The following HBS1L variants were observed in gnomAD, a reference collection of about 807,000 sequenced individuals.
HBS1L encodes the protein HBS1-like protein.
Under a neutral mutation model 88.9 loss-of-function variants are expected in HBS1L, and 55 were observed. The ratio of observed to expected loss-of-function variants is 0.62; its 90% CI spans 0.50 to 0.77. The LOEUF (loss-of-function observed/expected upper bound fraction) is 0.77. Among genes scored for constraint, HBS1L ranks in the 30% least tolerant of loss-of-function variants. The probability of loss-of-function intolerance (pLI) is 0.00; values close to 1 mark genes in which losing one functional copy is unlikely to be tolerated. For synonymous variants in HBS1L, 267 were observed against 288.5 expected, an observed-to-expected ratio of 0.93 and a Z score of 0.76; for missense variants, 741 against 829.3, an observed-to-expected ratio of 0.89 and a Z score of 1.31.
At chr6:135,027,642 A>G (rs1462451652) in intron 4 of HBS1L, among the ~76,000 whole-genome samples, 1 of 152,360 alleles carries the variant, frequency 6.6e-6, no homozygotes, top group East Asian at 1.9e-4. Flanking sequence ...ATTCCAATCT[A>G]ACAGTTTATT....
At position 134,987,690 on chromosome 6, in the gene HBS1L, A is replaced by G. The variant is rs1227232100; in HGVS notation, c.1185T>C (p.Ser395=). ...CAACTGCAAGCTGCGTCACTCCCAG[A>G]GAACGGACCAAGAGTCCATGCTCTC... ...QTREHGLLVR[S]LGVTQLAVAV... is the part of the protein sequence containing the mutation. The change falls in exon 9 of 18, where the codon TCT becomes TCC. Residue 395 remains serine (S), a synonymous_variant. Transcript: ENST00000367837. The G allele has an allele frequency of 8.1e-6, 13 of 1,608,100 alleles. No individual in the cohort carries two copies. Among genetic ancestry groups the G allele is most frequent in the Admixed American group, 1.7e-5 (1 of 59,038 alleles).
In HBS1L at chr6:134,960,882, A is replaced by G. The variant is rs756132081; in HGVS notation, c.*4397T>C. ...TCAGTTATTTTTGTCTCCCCAGTAC[A>G]TCTGTGCCCTTTCTTCTTTAAATCT... On this transcript the variant is annotated 3_prime_UTR_variant, in exon 18 of 18. Transcript: ENST00000367837. The G allele has an allele frequency of 6.6e-6, 1 of 152,202 alleles. No individual in the cohort carries two copies. The allele number at this position is 152,202 out of a possible 1,614,324, so 9.4% of individuals were successfully genotyped here. A position where few individuals can be genotyped will look rare whatever the true frequency, so the allele number is the denominator to read the frequency against.
chr6:135,019,587 T>C (rs904004993), intron 4 of HBS1L, among the ~76,000 whole-genome samples: 5 of 151,948 alleles, frequency 3.3e-5, no homozygotes, highest in Admixed American at 2.0e-4. Context: ...GTAATCCTTA[T>C]TTCAACCTAG....
At chr6:134,975,871 C>G (rs977506853) in intron 15 of HBS1L, among the ~76,000 whole-genome samples, 1 of 151,970 alleles carries the variant, frequency 6.6e-6, no homozygotes, top group African/African-American at 2.4e-5. Flanking sequence ...ATGACTAAGA[C>G]CCCCAAAGCA....
intron 8 of HBS1L, among the ~76,000 whole-genome samples, chr6:134,992,865 C>G (rs1775183565): frequency 6.6e-6 from 1 of 152,120 alleles, no homozygotes; most frequent in African/African-American, 2.4e-5. Context: ...ACAGTCGTGT[C>G]CTAGGCCTTC....
intron 15 of HBS1L, among the ~76,000 whole-genome samples, chr6:134,976,376 C>G (rs1774642946): frequency 6.6e-6 from 1 of 152,106 alleles, no homozygotes; most frequent in Non-Finnish European, 1.5e-5. Flanking sequence ...AAAAGTAGAT[C>G]TACCAGTTGA....
rs955977868 is a variant in HBS1L at position 134,985,508 on chromosome 6, A to G, written c.1424-99T>C. 6.9e-5 allele frequency: 48 copies of G among 694,834 alleles called. No homozygotes were observed. In the South Asian group the frequency reaches 7.5e-4, roughly 11 times the overall value. The allele number at this position is 694,834 out of a possible 1,614,324, so 43.0% of individuals were successfully genotyped here. A position where few individuals can be genotyped will look rare whatever the true frequency, so the allele number is the denominator to read the frequency against. Reference sequence around the variant, plus strand: ...ATAATCCCACTTCTCCTAGAAAATAACTACTTTTTATAATTACTAATAGCA... The same window carrying G: ...ATAATCCCACTTCTCCTAGAAAATAGCTACTTTTTATAATTACTAATAGCA... On this transcript the variant is annotated intron_variant, in intron 11 of 17. Coordinates refer to ENST00000367837, the MANE Select transcript of HBS1L (RefSeq NM_006620.4).
intron 4 of HBS1L, among the ~76,000 whole-genome samples, chr6:135,030,522 A>T (rs1776354840): frequency 6.6e-6 from 1 of 152,194 alleles, no homozygotes; most frequent in African/African-American, 2.4e-5. Context: ...TCAGGAAATA[A>T]AAGGATTTAG....
chr6:135,054,571 G>C, intron 1 of HBS1L, 78 bp downstream of exon 1: 1 of 1,529,162 alleles, frequency 6.5e-7, no homozygotes, highest in Non-Finnish European at 9.0e-7. Flanking sequence ...GAAACTCACA[G>C]ATTGAAGTGG....
Position 134,965,275 on chromosome 6 carries a change from C to T in HBS1L, c.*4G>A. ...TCCAGAAACGTGGTAGAAATTCTGA[C>T]CCATCATTCTTTTATCTGTTAAAAC... is the stretch of plus-strand genomic sequence containing the variant. On this transcript the variant is annotated 3_prime_UTR_variant, in exon 18 of 18. Coordinates refer to ENST00000367837, the MANE Select transcript of HBS1L (RefSeq NM_006620.4). 1.3e-6 allele frequency: 2 copies of T among 1,570,828 alleles called. No individual in the cohort carries two copies. Among genetic ancestry groups the T allele is most frequent in the Non-Finnish European group, 1.7e-6 (2 of 1,146,346 alleles).
chr6:134,997,354 A>G, intron 6 of HBS1L, 43 bp downstream of exon 6: 2 of 1,610,224 alleles, frequency 1.2e-6, no homozygotes, highest in East Asian at 2.2e-5. Flanking sequence ...TGGGCAGGCT[A>G]AGGCATGGCT....
intron 1 of HBS1L, among the ~76,000 whole-genome samples, chr6:135,053,141 CCT>C (rs1441118531): frequency 2.6e-5 from 4 of 152,094 alleles, no homozygotes; most frequent in African/African-American, 9.7e-5. Context: ...CAAGGTGCTC[CCT>C]GAGGCCAACC....
At chr6:135,027,049 A>T (rs940460651) in intron 4 of HBS1L, 1 of 151,746 alleles carries the variant, frequency 6.6e-6, no homozygotes, top group African/African-American at 2.4e-5. Context: ...AAAATTAGCC[A>T]GATGTGATTG....
At chr6:135,037,159 C>G (rs561919458) in intron 4 of HBS1L, 45 of 1,551,572 alleles carry the variant, frequency 2.9e-5, no homozygotes, top group Non-Finnish European at 2.4e-5. Flanking sequence ...CGACAGAGAT[C>G]CTGTTAATTC....
At chr6:134,986,220 A>AT (rs147856847) in intron 10 of HBS1L, 37 bp from the exon 11 acceptor site, 48,345 of 1,038,930 alleles carry the variant, frequency 0.047, 1,444 homozygotes, top group Non-Finnish European at 0.054. Flanking sequence ...TTAATACAAC[A>AT]TTTTTTAAAA....
chr6:135,023,301 G>A (rs552541603), intron 4 of HBS1L, among the ~76,000 whole-genome samples: 6 of 152,136 alleles, frequency 3.9e-5, no homozygotes, highest in African/African-American at 1.4e-4. Context: ...AAAATTAGCC[G>A]GGCGTGATGG....
chr6:134,977,553 C>T, intron 15 of HBS1L, among the ~76,000 whole-genome samples: 1 of 151,614 alleles, frequency 6.6e-6, no homozygotes, highest in Non-Finnish European at 1.5e-5. Context: ...AAGTAAAGTA[C>T]CTAAATAGTA....
In HBS1L at chr6:134,963,008, GGAAT is replaced by G. The variant is rs1274516390; in HGVS notation, c.*2267_*2270del. ...TACTTAAACACTATTGGAGAAGGAAGGAATGAATAAATGCATTCATTTCTACTAC... is the reference window on the plus strand; with the variant it reads ...TACTTAAACACTATTGGAGAAGGAAGGAATAAATGCATTCATTTCTACTAC... On this transcript the variant is annotated 3_prime_UTR_variant, in exon 18 of 18. Coordinates refer to ENST00000367837, the MANE Select transcript of HBS1L (RefSeq NM_006620.4). 6.6e-6 allele frequency: 1 copy of G among 152,176 alleles called. No homozygotes were observed. Among genetic ancestry groups the G allele is most frequent in the Admixed American group, 6.5e-5 (1 of 15,278 alleles). 9.4% of individuals were successfully genotyped at this position (152,176 alleles called of 1,614,324 possible).
intron 4 of HBS1L, among the ~76,000 whole-genome samples, chr6:135,025,213 G>A (rs13192235): frequency 0.039 from 5,895 of 152,214 alleles, 191 homozygotes; most frequent in Non-Finnish European, 0.059. Context: ...AAAAAAGTAG[G>A]AAACAGTCAT....
Sources: gnomAD v4.1 joint callset for allele counts (sites outside exome capture counted in the v4.1 genomes callset) on GRCh38, gnomAD v4.1.1 for gene constraint, MANE v1.5 for transcripts, NCBI Gene and HGNC (gene_info 2026-07-23, HGNC 2026-07-21) for gene names.